PPP2R5C: variants seen among roughly 807,000 people sequenced by gnomAD.
PPP2R5C encodes the protein protein phosphatase 2 regulatory subunit B'gamma.
PPP2R5C carries 7 observed loss-of-function variants against 68.9 expected under a neutral mutation model. The ratio of observed to expected loss-of-function variants is 0.10; its 90% CI spans 0.06 to 0.19. The LOEUF is 0.19. Among genes scored for constraint, PPP2R5C ranks in the 10% least tolerant of loss-of-function variants. The probability of loss-of-function intolerance (pLI) is 1.00; values close to 1 mark genes in which losing one functional copy is unlikely to be tolerated. For missense variants in PPP2R5C, 348 were observed against 641.3 expected (o/e 0.54, Z 4.94); for synonymous variants, 210 against 222.2 (o/e 0.95, Z 0.49).
intron 3 of PPP2R5C, among the ~76,000 whole-genome samples, chr14:101,798,320 AAT>A (rs1480227724): frequency 6.6e-6 from 1 of 152,242 alleles, no homozygotes; most frequent in Non-Finnish European, 1.5e-5. Flanking sequence ...AGCCTTAAAA[AAT>A]AAAACCTTCA....
chr14:101,871,831 A>G (rs1437134734), intron 2 of PPP2R5C, among the ~76,000 whole-genome samples: 2 of 152,162 alleles, frequency 1.3e-5, no homozygotes, highest in African/African-American at 4.8e-5. Flanking sequence ...ACTTATCACA[A>G]TCTACCTTCA....
At chr14:101,870,115 G>T (rs1458353173) in intron 2 of PPP2R5C, among the ~76,000 whole-genome samples, 1 of 102,062 alleles carries the variant, frequency 9.8e-6, no homozygotes, top group African/African-American at 3.7e-5. Flanking sequence ...CAGATTTTTT[G>T]CGAGATACAT....
intron 3 of PPP2R5C, among the ~76,000 whole-genome samples, chr14:101,793,233 A>G (rs2038445183): frequency 6.6e-6 from 1 of 152,230 alleles, no homozygotes; most frequent in African/African-American, 2.4e-5. Flanking sequence ...TATATTAGCA[A>G]CCAAAATCTG....
rs1303847625 is a variant in PPP2R5C at position 101,916,679 on chromosome 14, T to C, written c.1327-1152T>C. ...ACGGTGGCTGAGAACGGAGCTGCTC[T>C]GGGCTGGCAGGGTGTGAGGGGCAGG... On this transcript the variant is annotated intron_variant, in intron 12 of 13. Transcript: ENST00000334743. This position sits in a 1 kb window ranked among gnomAD's most constrained non-coding sequence, Gnocchi z 5.5. 1.7e-5 allele frequency among the ~76,000 whole-genome samples: 1 copy of C among 57,332 alleles called. No homozygotes were observed. Among genetic ancestry groups the C allele is most frequent in the Non-Finnish European group, 3.1e-5 (1 of 32,182 alleles). The allele number at this position is 57,332 out of a possible 152,430, so 37.6% of individuals were successfully genotyped here.
chr14:101,836,559 T>C (rs987623459), intron 1 of PPP2R5C: 2 of 562,340 alleles, frequency 3.6e-6, no homozygotes, highest in African/African-American at 3.7e-5. Flanking sequence ...TTAAATATAA[T>C]ATCTCTACTT....
In PPP2R5C at chr14:101,917,891, C is replaced by T. The variant is rs1005772480; in HGVS notation, c.1387C>T (p.Pro463Ser). The T allele has an allele frequency of 1.2e-6, 2 of 1,613,662 alleles. No individual in the cohort carries two copies. Among genetic ancestry groups the T allele is most frequent in the Non-Finnish European group, 1.7e-6 (2 of 1,179,802 alleles). ...TCCGGTTGCAATGGAGACAGATGGGCCTTTATTTGAAGATGTGCAGATGCT... is the reference window on the plus strand; with the variant it reads ...TCCGGTTGCAATGGAGACAGATGGGTCTTTATTTGAAGATGTGCAGATGCT... The change falls in exon 13 of 14, where the codon CCT (proline) becomes TCT (serine). Residue 463 changes from proline to serine, a missense_variant. Physicochemically the swap from Pro to Ser is moderately conservative, Grantham distance 74 (BLOSUM62 -1). Around this residue, in one of 4 missense-constraint regions of PPP2R5C, gnomAD observed 118 missense variants for 108.9 expected, o/e 1.08. Transcript: ENST00000334743. This position sits in a 1 kb window ranked among gnomAD's most constrained non-coding sequence, Gnocchi z 4.4.
intron 2 of PPP2R5C, among the ~76,000 whole-genome samples, chr14:101,865,266 A>G (rs1434864978): frequency 5.3e-5 from 8 of 152,182 alleles, no homozygotes; most frequent in Non-Finnish European, 4.4e-5. Context: ...GGTCTCTCAC[A>G]CTTAGTCCAC....
chr14:101,788,924 C>CT, intron 3 of PPP2R5C, among the ~76,000 whole-genome samples: 1 of 152,140 alleles, frequency 6.6e-6, no homozygotes, highest in Non-Finnish European at 1.5e-5. Context: ...TTGTAAATCT[C>CT]TAACTTTCCA....
chr14:101,793,124 C>T (rs564855017), intron 3 of PPP2R5C, among the ~76,000 whole-genome samples: 2 of 152,032 alleles, frequency 1.3e-5, no homozygotes, highest in Non-Finnish European at 2.9e-5. Context: ...GTGATCCACC[C>T]ACCTCGGCCT....
At chr14:101,836,395 T>G (rs1022706657) in intron 1 of PPP2R5C, 7 of 701,896 alleles carry the variant, frequency 1.0e-5, no homozygotes, top group Non-Finnish European at 1.3e-5. Context: ...CCTGCCAACC[T>G]TAGCCTAAAA....
Position 101,894,572 on chromosome 14 carries a change from T to C in PPP2R5C, c.852+12T>C. 6.2e-7 allele frequency: 1 copy of C among 1,610,674 alleles called. No individual in the cohort carries two copies. The highest frequency in any genetic ancestry group is 8.5e-7 in the Non-Finnish European group (1 of 1,176,856). On this transcript the variant is annotated intron_variant, in intron 8 of 13. Coordinates refer to ENST00000334743, the Ensembl canonical transcript of PPP2R5C. ...CCCTCACGGAACCAGTAAGTACTGA[T>C]GCTAGCGCGTCTTGTAAGATGTGTG...
Position 101,882,636 on chromosome 14 carries a change from C to G in PPP2R5C, c.405+365C>G, listed in dbSNP as rs2044233039. ...CCCCAGGTCCTGCGCTGGCCACTGC[C>G]TTTCCCCAGGGCATTTGTAAGGCAG... On this transcript the variant is annotated intron_variant, in intron 3 of 13. Coordinates refer to ENST00000334743, the Ensembl canonical transcript of PPP2R5C. This position sits in a 1 kb window ranked among gnomAD's most constrained non-coding sequence, Gnocchi z 4.9. The G allele has an allele frequency of 5.6e-6, 1 of 177,028 alleles. No homozygotes were observed. Among genetic ancestry groups the G allele is most frequent in the Non-Finnish European group, 1.2e-5 (1 of 84,422 alleles). 11.0% of individuals were successfully genotyped at this position (177,028 alleles called of 1,614,324 possible).
rs1299730156 is a variant in PPP2R5C at position 101,835,459 on chromosome 14, T to A, written c.95-21227T>A. Reference sequence around the variant, plus strand: ...GGTGATCATGTTATCAAGTCAGACTTGCAGTTAAGGTAGTGTCCCAGACGT... The same window carrying A: ...GGTGATCATGTTATCAAGTCAGACTAGCAGTTAAGGTAGTGTCCCAGACGT... On this transcript the variant is annotated intron_variant, in intron 1 of 13. Transcript: ENST00000334743. This position sits in a 1 kb window ranked among gnomAD's most constrained non-coding sequence, Gnocchi z 5.0. Among the ~76,000 whole-genome samples the A allele has an allele frequency of 6.6e-6, 1 of 152,194 alleles. No individual in the cohort carries two copies. Among genetic ancestry groups the A allele is most frequent in the Non-Finnish European group, 1.5e-5 (1 of 68,032 alleles).
At chr14:101,894,654 G>C (rs1264693817) in intron 8 of PPP2R5C, 94 bp downstream of exon 10, 1 of 1,229,494 alleles carries the variant, frequency 8.1e-7, no homozygotes, top group Admixed American at 1.8e-5. Flanking sequence ...CATTCATTCA[G>C]ACTTTTTCAT....
chr14:101,761,781 G>GGGCGGC (rs547036580), upstream of PPP2R5C: 509 of 970,272 alleles, frequency 5.2e-4, 1 homozygote, highest in African/African-American at 5.7e-3. Flanking sequence ...CTCAGTCCCC[G>GGGCGGC]GGCGGCGGCG....
intron 2 of PPP2R5C, among the ~76,000 whole-genome samples, chr14:101,872,881 A>G (rs2043515250): frequency 6.7e-6 from 1 of 149,712 alleles, no homozygotes; most frequent in South Asian, 2.1e-4. Context: ...AATAACGTGT[A>G]TTAGGCTTCT....
intron 1 of PPP2R5C, among the ~76,000 whole-genome samples, chr14:101,853,919 A>C (rs1210295109): frequency 6.6e-6 from 1 of 152,144 alleles, no homozygotes; most frequent in Non-Finnish European, 1.5e-5. Context: ...GAATGTGAGA[A>C]TGCCAAACAG....
intron 5 of PPP2R5C, 86 bp from the exon 8 acceptor site, chr14:101,890,151 C>G: frequency 8.0e-7 from 1 of 1,250,244 alleles, no homozygotes; most frequent in Non-Finnish European, 1.2e-6. Context: ...TTCTTGTTGC[C>G]TGGCTCCATG....
At chr14:101,864,947 A>C (rs931190674) in intron 2 of PPP2R5C, among the ~76,000 whole-genome samples, 1 of 152,114 alleles carries the variant, frequency 6.6e-6, no homozygotes, top group Non-Finnish European at 1.5e-5. Context: ...ATTTCAGGAG[A>C]GAAGTGGTGG....
Sources: gnomAD v4.1 joint callset for allele counts (sites outside exome capture counted in the v4.1 genomes callset) on GRCh38, gnomAD v4.1.1 for gene constraint, gnomAD v4.1.1 regional missense constraint, Gnocchi (gnomAD v3.1) non-coding constraint, MANE v1.5 for transcripts, NCBI Gene and HGNC (gene_info 2026-07-23, HGNC 2026-07-21) for gene names.